TRPS1: variants seen among roughly 807,000 people sequenced by gnomAD.
TRPS1 encodes the protein transcriptional repressor GATA binding 1.
A neutral mutation model predicts 101.2 loss-of-function variants in TRPS1; 6 were observed. The ratio of observed to expected loss-of-function variants is 0.06; its 90% CI spans 0.03 to 0.12. The LOEUF is 0.12. TRPS1 is among the 10% of genes least tolerant of loss of function. TRPS1 has a pLI of 1.00. For synonymous variants in TRPS1, 578 were observed against 589.8 expected (o/e 0.98, Z 0.29); for missense variants, 1,363 against 1,567.0 (o/e 0.87, Z 2.20).
chr8:115,594,794 A>G (rs1470709499), intron 4 of TRPS1, among the ~76,000 whole-genome samples: 1 of 151,918 alleles, frequency 6.6e-6, no homozygotes, highest in Non-Finnish European at 1.5e-5. Flanking sequence ...ATGCTTCTAG[A>G]AAAAAATCAG....
chr8:115,578,187 T>A (rs1425903854), intron 5 of TRPS1, among the ~76,000 whole-genome samples: 1 of 152,220 alleles, frequency 6.6e-6, no homozygotes, highest in Non-Finnish European at 1.5e-5. Context: ...CACTTGCTTT[T>A]CTCCTAATTT....
At chr8:115,561,638 A>C (rs1816948361) in intron 5 of TRPS1, among the ~76,000 whole-genome samples, 1 of 152,106 alleles carries the variant, frequency 6.6e-6, no homozygotes, top group South Asian at 2.1e-4. Flanking sequence ...AACCTGCTAC[A>C]GGAGGAACGA....
intron 5 of TRPS1, among the ~76,000 whole-genome samples, chr8:115,528,814 G>T (rs1051346067): frequency 2.0e-5 from 3 of 151,952 alleles, no homozygotes; most frequent in African/African-American, 7.2e-5. Context: ...TGTAGAGATG[G>T]TATAACATGC....
At chr8:115,577,912 C>A (rs570910756) in intron 5 of TRPS1, among the ~76,000 whole-genome samples, 1 of 152,090 alleles carries the variant, frequency 6.6e-6, no homozygotes, top group African/African-American at 2.4e-5. Context: ...TTTGACAAAG[C>A]GTGAAGGGTA....
rs1813929412 is a variant in TRPS1 at position 115,453,344 on chromosome 8, G to A, written c.2701-34892C>T. The stretch of plus-strand genomic sequence containing the variant: ...CATCTCCAATATTTTTAAACCTAAA[G>A]TTGGATAGAGTCAGCTGAGCGTTTA... On this transcript the variant is annotated intron_variant, in intron 5 of 6. Transcript: ENST00000395715. Among the ~76,000 whole-genome samples, 3 of 152,146 alleles carry A rather than the reference G, an allele frequency of 2.0e-5. No individual in the cohort carries two copies. The South Asian group carries it at 6.2e-4, about 31-fold the overall frequency.
intron 1 of TRPS1, among the ~76,000 whole-genome samples, chr8:115,663,368 G>C (rs1271223657): frequency 6.6e-6 from 1 of 151,724 alleles, no homozygotes; most frequent in Non-Finnish European, 1.5e-5. Flanking sequence ...CATTACGTCA[G>C]TTGGTTTAAA....
intron 5 of TRPS1, among the ~76,000 whole-genome samples, chr8:115,584,463 T>C (rs1817520055): frequency 6.6e-6 from 1 of 152,044 alleles, no homozygotes. Flanking sequence ...CATATATTTA[T>C]ACACTACTGT....
chr8:115,622,674 G>A (rs1240131513), intron 2 of TRPS1, among the ~76,000 whole-genome samples: 1 of 152,002 alleles, frequency 6.6e-6, no homozygotes, highest in African/African-American at 2.4e-5. Context: ...TTCTTAAGAT[G>A]ACTAGAACTT....
chr8:115,531,354 T>C (rs1226828394), intron 5 of TRPS1, among the ~76,000 whole-genome samples: 1 of 152,138 alleles, frequency 6.6e-6, no homozygotes, highest in Non-Finnish European at 1.5e-5. Flanking sequence ...ATCGGGTCAC[T>C]AGACAGACTA....
At chr8:115,562,886 G>C (rs1816980340) in intron 5 of TRPS1, among the ~76,000 whole-genome samples, 1 of 133,516 alleles carries the variant, frequency 7.5e-6, no homozygotes, top group African/African-American at 3.8e-5. Context: ...CTGTGTGTGT[G>C]TGTGTGTGTG....
intron 5 of TRPS1, among the ~76,000 whole-genome samples, chr8:115,483,610 A>T (rs995628474): frequency 6.6e-6 from 1 of 152,140 alleles, no homozygotes; most frequent in African/African-American, 2.4e-5. Flanking sequence ...GATGAGATTT[A>T]AGCTCCAAGT....
intron 1 of TRPS1, among the ~76,000 whole-genome samples, chr8:115,663,790 T>C (rs1349875799): frequency 6.6e-6 from 1 of 151,144 alleles, no homozygotes; most frequent in African/African-American, 2.4e-5. Context: ...TGCTATATGC[T>C]GCAGGGACCA....
chr8:115,480,834 T>G (rs1814734765), intron 5 of TRPS1, among the ~76,000 whole-genome samples: 1 of 152,148 alleles, frequency 6.6e-6, no homozygotes, highest in Admixed American at 6.5e-5. Flanking sequence ...GGACTTGCTG[T>G]TGTGTAATTT....
At chr8:115,463,627 A>G (rs868154343) in intron 5 of TRPS1, among the ~76,000 whole-genome samples, 13 of 152,166 alleles carry the variant, frequency 8.5e-5, no homozygotes, top group Admixed American at 8.5e-4. Context: ...TTGAAGAAAT[A>G]ACTACTTTGC....
chr8:115,422,857 T>C lies in TRPS1; in HGVS notation c.2701-4405A>G, dbSNP rs965182872. Among the ~76,000 whole-genome samples the C allele has an allele frequency of 2.0e-5, 3 of 152,156 alleles. No homozygotes were observed. The East Asian group carries it at 5.8e-4, about 29-fold the overall frequency. ...AATAATTTGTACCTCCATCACCTCG[T>C]GCCTGAGAGGGAAGAATTATGGGTC... On this transcript the variant is annotated intron_variant, in intron 5 of 6. Coordinates refer to ENST00000395715, the MANE Select transcript of TRPS1 (RefSeq NM_014112.5).
intron 5 of TRPS1, among the ~76,000 whole-genome samples, chr8:115,570,677 ACACACACACACT>A: frequency 1.1e-5 from 1 of 90,662 alleles, no homozygotes; most frequent in Middle Eastern, 5.3e-3. Flanking sequence ...CTCAAAAAAA[ACACACACACACT>A]CACACACACA....
At chr8:115,609,352 A>C (rs1030653581) in intron 3 of TRPS1, among the ~76,000 whole-genome samples, 1 of 152,202 alleles carries the variant, frequency 6.6e-6, no homozygotes, top group Non-Finnish European at 1.5e-5. Context: ...CAATATTCTT[A>C]GCTGTAAATG....
chr8:115,606,796 G>C (rs373239119), intron 3 of TRPS1, among the ~76,000 whole-genome samples: 1 of 125,242 alleles, frequency 8.0e-6, no homozygotes, highest in Non-Finnish European at 1.6e-5. Context: ...GTAAAGAGAA[G>C]GTTCATTTGC....
chr8:115,515,335 A>G, intron 5 of TRPS1: 1 of 685,534 alleles, frequency 1.5e-6, no homozygotes, highest in Non-Finnish European at 2.7e-6. Context: ...TTAGCTCACT[A>G]TTTAATGTGG....
Sources: gnomAD v4.1 joint callset for allele counts (sites outside exome capture counted in the v4.1 genomes callset) on GRCh38, gnomAD v4.1.1 for gene constraint, MANE v1.5 for transcripts, NCBI Gene and HGNC (gene_info 2026-07-23, HGNC 2026-07-21) for gene names.